The following GALNT10 variants were observed in gnomAD, a reference collection of about 807,000 sequenced individuals.
GALNT10 encodes polypeptide N-acetylgalactosaminyltransferase 10.
A neutral mutation model predicts 75.0 loss-of-function variants in GALNT10; 41 were observed. The observed-to-expected ratio is 0.55, with a 90% confidence interval of 0.43 to 0.71. The LOEUF is 0.71. GALNT10 is among the 30% of genes least tolerant of loss of function. GALNT10 has a pLI of 0.00. For synonymous variants in GALNT10, 302 were observed against 313.0 expected (o/e 0.96, Z 0.37); for missense variants, 727 against 818.5 (o/e 0.89, Z 1.36).
At chr5:154,410,976 C>T (rs369541533) in intron 9 of GALNT10, among the ~76,000 whole-genome samples, 1 of 152,204 alleles carries the variant, frequency 6.6e-6, no homozygotes, top group Non-Finnish European at 1.5e-5. Context: ...TGGTGTGGCC[C>T]GTGAGGCCCA....
At chr5:154,359,471 C>G (rs1175654066) in intron 4 of GALNT10, among the ~76,000 whole-genome samples, 1 of 151,168 alleles carries the variant, frequency 6.6e-6, no homozygotes, top group Non-Finnish European at 1.5e-5. Context: ...CCCACTTGGC[C>G]CCTTCTTCCC....
intron 1 of GALNT10, among the ~76,000 whole-genome samples, chr5:154,232,844 C>T (rs951473931): frequency 2.0e-5 from 3 of 152,140 alleles, no homozygotes; most frequent in African/African-American, 7.2e-5. Flanking sequence ...GCTTATTTGT[C>T]TTTGGGAACA....
intron 4 of GALNT10, among the ~76,000 whole-genome samples, chr5:154,331,132 T>C (rs7736159): frequency 0.69 from 105,314 of 151,948 alleles, 37,633 homozygotes; most frequent in Admixed American, 0.81. Flanking sequence ...ACTGTCTATT[T>C]TGATTGCAGG....
chr5:154,250,806 A>G (rs1247319347), intron 1 of GALNT10, among the ~76,000 whole-genome samples: 1 of 152,150 alleles, frequency 6.6e-6, no homozygotes, highest in Non-Finnish European at 1.5e-5. Context: ...CTGACTTCTT[A>G]GTTTTTATTT....
At chr5:154,370,856 A>C (rs973983349) in intron 4 of GALNT10, among the ~76,000 whole-genome samples, 1 of 152,226 alleles carries the variant, frequency 6.6e-6, no homozygotes, top group African/African-American at 2.4e-5. Flanking sequence ...TAGCCAGTGC[A>C]GTAGGCCGTG....
chr5:154,342,358 C>T (rs561977333), intron 4 of GALNT10, among the ~76,000 whole-genome samples: 4 of 152,276 alleles, frequency 2.6e-5, no homozygotes, highest in African/African-American at 7.2e-5. Flanking sequence ...TGTGCCCCTG[C>T]GGTCTCCAGG....
At chr5:154,389,593 A>G (rs892286539) in intron 7 of GALNT10, 6 of 151,874 alleles carry the variant, frequency 4.0e-5, no homozygotes, top group Admixed American at 2.0e-4. Flanking sequence ...AAAAAAAAAA[A>G]AAATCAAAAA....
intron 4 of GALNT10, among the ~76,000 whole-genome samples, chr5:154,334,892 CCT>C (rs1266085230): frequency 6.6e-6 from 1 of 152,206 alleles, no homozygotes; most frequent in Non-Finnish European, 1.5e-5. Flanking sequence ...GGTCAATAGT[CCT>C]CTTCCCATAA....
At chr5:154,334,047 C>T (rs1309302361) in intron 4 of GALNT10, among the ~76,000 whole-genome samples, 1 of 152,204 alleles carries the variant, frequency 6.6e-6, no homozygotes, top group African/African-American at 2.4e-5. Flanking sequence ...TTTCTCTGGG[C>T]TGCATTAGCA....
At chr5:154,278,618 A>G (rs1271845881) in intron 1 of GALNT10, among the ~76,000 whole-genome samples, 1 of 152,234 alleles carries the variant, frequency 6.6e-6, no homozygotes, top group Non-Finnish European at 1.5e-5. Context: ...GTGGCATTAA[A>G]TATGTTCACA....
chr5:154,234,157 T>C (rs1753208268), intron 1 of GALNT10, among the ~76,000 whole-genome samples: 1 of 152,182 alleles, frequency 6.6e-6, no homozygotes, highest in South Asian at 2.1e-4. Context: ...GAAAGTTGAG[T>C]TGGGATACAT....
intron 4 of GALNT10, among the ~76,000 whole-genome samples, chr5:154,361,083 CTG>C (rs764819076): frequency 1.1e-4 from 16 of 152,008 alleles, no homozygotes; most frequent in African/African-American, 3.6e-4. Context: ...TTTTAAAACT[CTG>C]TATCTTTCCA....
intron 1 of GALNT10, among the ~76,000 whole-genome samples, chr5:154,217,652 T>C (rs558140697): frequency 6.6e-6 from 1 of 152,246 alleles, no homozygotes; most frequent in Admixed American, 6.5e-5. Flanking sequence ...CCTCTTCCTG[T>C]CCACACCCCT....
chr5:154,234,420 G>A (rs1288490019), intron 1 of GALNT10, among the ~76,000 whole-genome samples: 1 of 152,120 alleles, frequency 6.6e-6, no homozygotes, highest in Non-Finnish European at 1.5e-5. Flanking sequence ...CAAAAGGGCT[G>A]GCATGGAGAC....
rs554704947 is a variant in GALNT10, at chr5:154,354,748, G to A, written c.569-21529G>A. On this transcript the variant is annotated intron_variant, in intron 4 of 11. Coordinates refer to ENST00000297107, the MANE Select transcript of GALNT10 (RefSeq NM_198321.4). Reference sequence around the variant, plus strand: ...AGGCACACATCTTTGTGTCTAGTACGTCTTTATATCATGACACTCACACAT... The same window carrying A: ...AGGCACACATCTTTGTGTCTAGTACATCTTTATATCATGACACTCACACAT... 1.6e-4 allele frequency among the ~76,000 whole-genome samples: 24 copies of A among 152,274 alleles called. No homozygotes were observed. In the South Asian group the frequency reaches 3.7e-3, roughly 24 times the overall value.
chr5:154,196,889 A>G (rs1205864511), intron 1 of GALNT10, among the ~76,000 whole-genome samples: 1 of 152,170 alleles, frequency 6.6e-6, no homozygotes, highest in African/African-American at 2.4e-5. Context: ...TTTTGGGAAG[A>G]GGAGAAAGAT....
Position 154,376,399 on chromosome 5 carries a change from G to T in GALNT10, c.691G>T (p.Asp231Tyr). Residue 231 changes from aspartate to tyrosine, a missense_variant, in exon 5 of 12, where the codon GAT becomes TAT. Transcript: ENST00000297107. This position sits in a 1 kb window ranked among gnomAD's most constrained non-coding sequence, Gnocchi z 4.1. ...RMLGASVATG[D>Y]VITFLDSHCE... ...GCTGGGGGCCTCAGTGGCAACTGGG[G>T]ATGTCATCACATTCTTGGATTCACA... 1.9e-6 allele frequency: 3 copies of T among 1,605,892 alleles called. No individual in the cohort carries two copies. The highest frequency in any genetic ancestry group is 2.5e-6 in the Non-Finnish European group (3 of 1,177,094).
intron 3 of GALNT10, among the ~76,000 whole-genome samples, chr5:154,316,633 C>T (rs1754597210): frequency 6.6e-6 from 1 of 152,232 alleles, no homozygotes; most frequent in South Asian, 2.1e-4. Context: ...CCTGATTAGA[C>T]TGTGTATCCC....
chr5:154,205,162 C>T (rs979476075), intron 1 of GALNT10, among the ~76,000 whole-genome samples: 7 of 152,210 alleles, frequency 4.6e-5, no homozygotes, highest in African/African-American at 1.7e-4. Flanking sequence ...AGACTTCCTT[C>T]TCCCCTGTTG....
Sources: gnomAD v4.1 joint callset for allele counts (sites outside exome capture counted in the v4.1 genomes callset) on GRCh38, gnomAD v4.1.1 for gene constraint, Gnocchi (gnomAD v3.1) non-coding constraint, MANE v1.5 for transcripts, NCBI Gene and HGNC (gene_info 2026-07-23, HGNC 2026-07-21) for gene names.